Variants in DHRS7B observed in about 807,000 individuals in gnomAD.
DHRS7B encodes the protein peroxisomal reductase activating PPAR-gamma.
A neutral mutation model predicts 26.4 loss-of-function variants in DHRS7B; 24 were observed. The observed-to-expected ratio is 0.91, with a 90% CI of 0.66 to 1.28. DHRS7B has a LOEUF of 1.28. DHRS7B is among the 50% of genes most tolerant of loss of function. The pLI is 0.00. For synonymous variants in DHRS7B, 142 were observed against 166.4 expected, an observed-to-expected ratio of 0.85 and a Z score of 1.13; for missense variants, 368 against 419.4, an observed-to-expected ratio of 0.88 and a Z score of 1.07.
At chr17:21,159,929 T>G (rs1479313765) in intron 1 of DHRS7B, among the ~76,000 whole-genome samples, 2 of 140,228 alleles carry the variant, frequency 1.4e-5, no homozygotes, top group African/African-American at 2.7e-5. Context: ...AACTCATCAA[T>G]GAAAAATAGG....
chr17:21,144,092 A>C (rs1301940994), intron 1 of DHRS7B, among the ~76,000 whole-genome samples: 1 of 152,196 alleles, frequency 6.6e-6, no homozygotes, highest in Non-Finnish European at 1.5e-5. Flanking sequence ...ATTTCTTACT[A>C]TCAGGTTGAG....
At chr17:21,171,859 C>A in intron 1 of DHRS7B, 159 bp from the exon 2 acceptor site, 1 of 866,188 alleles carries the variant, frequency 1.2e-6, no homozygotes, top group Non-Finnish European at 1.9e-6. Flanking sequence ...GCTGAACAGT[C>A]GGCCGAGGGT....
intron 1 of DHRS7B, among the ~76,000 whole-genome samples, chr17:21,136,614 C>T (rs930321769): frequency 6.6e-6 from 1 of 152,024 alleles, no homozygotes; most frequent in Non-Finnish European, 1.5e-5. Context: ...TGCAGTGGCC[C>T]GACCTTGGCT....
At chr17:21,161,480 C>T (rs1421637363) in intron 1 of DHRS7B, among the ~76,000 whole-genome samples, 1 of 152,134 alleles carries the variant, frequency 6.6e-6, no homozygotes, top group Non-Finnish European at 1.5e-5. Context: ...TAAAGACATT[C>T]CCATATAAAC....
intron 1 of DHRS7B, among the ~76,000 whole-genome samples, chr17:21,145,577 A>G (rs1973625520): frequency 6.6e-6 from 1 of 152,210 alleles, no homozygotes; most frequent in Non-Finnish European, 1.5e-5. Flanking sequence ...AAGAAATTTA[A>G]ACTACAGATG....
chr17:21,135,149 C>G (rs113857117), intron 1 of DHRS7B, among the ~76,000 whole-genome samples: 1 of 152,230 alleles, frequency 6.6e-6, no homozygotes, highest in African/African-American at 2.4e-5. Context: ...CTCTGTGACA[C>G]ACAATAATTT....
Position 21,184,392 on chromosome 17 carries a change from A to G in DHRS7B, c.548A>G (p.Lys183Arg). 1 of 1,614,214 alleles carries G rather than the reference A, an allele frequency of 6.2e-7. No individual in the cohort carries two copies. The highest frequency in any genetic ancestry group is 8.5e-7 in the Non-Finnish European group (1 of 1,180,042). ...LTKALLPSMI[K>R]RRQGHIVAIS... ...TCAGCACTCCTGCCCTCCATGATCAAGAGGAGGCAAGGCCACATTGTCGCC... is the reference window on the plus strand; with the variant it reads ...TCAGCACTCCTGCCCTCCATGATCAGGAGGAGGCAAGGCCACATTGTCGCC... The change falls in exon 5 of 7, where the codon AAG becomes AGG. Residue 183 changes from lysine (K) to arginine (R), a missense_variant. Physicochemically the swap from Lys to Arg is conservative, Grantham distance 26. Coordinates refer to ENST00000395511, the MANE Select transcript of DHRS7B (RefSeq NM_015510.5).
chr17:21,154,396 GA>G (rs977641639), intron 1 of DHRS7B, among the ~76,000 whole-genome samples: 9 of 151,370 alleles, frequency 5.9e-5, no homozygotes, highest in African/African-American at 2.2e-4. Context: ...GTTGAGAGAG[GA>G]AAAAAAACCC....
intron 1 of DHRS7B, chr17:21,168,712 AC>A (rs1284121540): frequency 1.0e-6 from 1 of 985,240 alleles, no homozygotes; most frequent in African/African-American, 1.7e-5. Context: ...ATTCGATAGC[AC>A]TTTACCAGAC....
intron 6 of DHRS7B, 34 bp from the exon 7 acceptor site, chr17:21,190,914 A>G (rs957838699): frequency 1.9e-6 from 3 of 1,609,376 alleles, no homozygotes; most frequent in Non-Finnish European, 2.5e-6. Context: ...TCTGCTTCCA[A>G]GTTCATGTGT....
intron 1 of DHRS7B, among the ~76,000 whole-genome samples, chr17:21,152,503 T>C (rs1233815065): frequency 2.0e-5 from 3 of 152,336 alleles, no homozygotes; most frequent in Admixed American, 1.3e-4. Context: ...CAGAAAGTTA[T>C]AAACTTCAGT....
At chr17:21,181,237 C>T (rs995436994) in intron 3 of DHRS7B, among the ~76,000 whole-genome samples, 3 of 152,112 alleles carry the variant, frequency 2.0e-5, no homozygotes, top group Non-Finnish European at 4.4e-5. Context: ...AGGCACATGC[C>T]ACTGTATTGG....
chr17:21,185,832 C>T (rs1446096798), intron 5 of DHRS7B, among the ~76,000 whole-genome samples: 4 of 149,690 alleles, frequency 2.7e-5, no homozygotes, highest in Non-Finnish European at 6.0e-5. Context: ...AGATTATAGG[C>T]GTGTACCAGC....
chr17:21,138,065 T>TAAAA (rs1567616007), intron 1 of DHRS7B, among the ~76,000 whole-genome samples: 2 of 10,230 alleles, frequency 2.0e-4, no homozygotes, highest in African/African-American at 9.0e-4. Context: ...CCGGCCTCTT[T>TAAAA]TAAAAAAAAA....
At chr17:21,165,171 G>A (rs1974083588) in intron 1 of DHRS7B, among the ~76,000 whole-genome samples, 1 of 152,068 alleles carries the variant, frequency 6.6e-6, no homozygotes, top group South Asian at 2.1e-4. Context: ...GCAGCATGGT[G>A]GTCTTGTCCC....
intron 2 of DHRS7B, among the ~76,000 whole-genome samples, chr17:21,172,721 T>A (rs1463274468): frequency 2.0e-5 from 3 of 152,068 alleles, no homozygotes; most frequent in Admixed American, 2.0e-4. Flanking sequence ...CTAGACAAGG[T>A]CAAAGACAGA....
Position 21,134,896 on chromosome 17 carries a change from C to T in DHRS7B, c.20+7905C>T, listed in dbSNP as rs150881184. On this transcript the variant is annotated intron_variant, in intron 1 of 6. Coordinates refer to ENST00000395511, the MANE Select transcript of DHRS7B (RefSeq NM_015510.5). ...AAAATTCAGTCCATGCAGTTAATTC[C>T]TGTTCTGCTTGATACTCATGAACAT... 1.1e-4 allele frequency among the ~76,000 whole-genome samples: 16 copies of T among 152,230 alleles called. No individual in the cohort carries two copies. In the East Asian group the frequency reaches 2.9e-3, roughly 27 times the overall value.
intron 1 of DHRS7B, among the ~76,000 whole-genome samples, chr17:21,149,963 A>G (rs558736019): frequency 1.3e-5 from 2 of 152,274 alleles, no homozygotes; most frequent in South Asian, 2.1e-4. Flanking sequence ...ATTAAATAGC[A>G]TAGAATTTTC....
intron 1 of DHRS7B, among the ~76,000 whole-genome samples, chr17:21,143,969 G>C (rs907741779): frequency 6.6e-6 from 1 of 152,204 alleles, no homozygotes; most frequent in Non-Finnish European, 1.5e-5. Flanking sequence ...TGAATCAAGT[G>C]GCCTTTCTTA....
Sources: allele counts gnomAD v4.1 joint callset (sites outside exome capture counted in the v4.1 genomes callset), GRCh38; gene constraint gnomAD v4.1.1; transcripts MANE v1.5; gene names NCBI Gene and HGNC (gene_info 2026-07-23, HGNC 2026-07-21).